PCSK2: variants seen among roughly 807,000 people sequenced by gnomAD.
The protein encoded by PCSK2 is proprotein convertase subtilisin/kexin type 2.
A neutral mutation model predicts 69.7 loss-of-function variants in PCSK2; 14 were observed. That is an observed-to-expected ratio of 0.20 (90% CI 0.13 to 0.31). The LOEUF (loss-of-function observed/expected upper bound fraction) is 0.31. PCSK2 is among the 10% of genes least tolerant of loss of function. The probability of loss-of-function intolerance (pLI) is 1.00; values close to 1 mark genes in which losing one functional copy is unlikely to be tolerated. For synonymous variants in PCSK2, 307 were observed against 320.7 expected (o/e 0.96, Z 0.46); for missense variants, 544 against 842.5 (o/e 0.65, Z 4.39).
intron 1 of PCSK2, among the ~76,000 whole-genome samples, chr20:17,259,588 A>C (rs1340444925): frequency 6.6e-6 from 1 of 152,204 alleles, no homozygotes; most frequent in Admixed American, 6.5e-5. Context: ...CAAGACTCTT[A>C]GAGGCCCTGT....
intron 6 of PCSK2, among the ~76,000 whole-genome samples, chr20:17,417,825 G>C (rs1165321545): frequency 6.6e-6 from 1 of 152,158 alleles, no homozygotes; most frequent in Non-Finnish European, 1.5e-5. Context: ...CTGAAGTATA[G>C]AGGCAATAAA....
intron 5 of PCSK2, among the ~76,000 whole-genome samples, chr20:17,371,566 C>A (rs1178498746): frequency 2.0e-5 from 3 of 152,002 alleles, no homozygotes; most frequent in African/African-American, 7.2e-5. Context: ...TGTTATCTGT[C>A]AAAAAATATG....
chr20:17,291,973 C>T (rs1988711461), intron 2 of PCSK2, among the ~76,000 whole-genome samples: 1 of 152,110 alleles, frequency 6.6e-6, no homozygotes, highest in African/African-American at 2.4e-5. Flanking sequence ...TAAAAAGTGT[C>T]TTTCATAGGA....
At chr20:17,396,624 T>G (rs2031517058) in intron 5 of PCSK2, among the ~76,000 whole-genome samples, 1 of 152,100 alleles carries the variant, frequency 6.6e-6, no homozygotes, top group Non-Finnish European at 1.5e-5. Flanking sequence ...ACTTATTTTT[T>G]TTTTTTTTGA....
At chr20:17,301,037 T>A (rs1989062726) in intron 2 of PCSK2, among the ~76,000 whole-genome samples, 1 of 152,228 alleles carries the variant, frequency 6.6e-6, no homozygotes, top group South Asian at 2.1e-4. Context: ...TCACTATTGC[T>A]TGGGAAGGGG....
chr20:17,295,557 T>C (rs1171193815), intron 2 of PCSK2, among the ~76,000 whole-genome samples: 1 of 148,112 alleles, frequency 6.8e-6, no homozygotes, highest in Non-Finnish European at 1.5e-5. Flanking sequence ...TATATATTTA[T>C]TTATTTATTT....
intron 10 of PCSK2, among the ~76,000 whole-genome samples, chr20:17,460,928 T>G (rs1290071539): frequency 6.6e-6 from 1 of 152,124 alleles, no homozygotes; most frequent in Non-Finnish European, 1.5e-5. Flanking sequence ...TAAGGCCTTA[T>G]GCCCATTTTA....
chr20:17,439,738 A>C (rs2032558259), intron 8 of PCSK2, among the ~76,000 whole-genome samples: 1 of 152,232 alleles, frequency 6.6e-6, no homozygotes, highest in Non-Finnish European at 1.5e-5. Context: ...AGCCCTAAAC[A>C]ATAGTAAACA....
In PCSK2 at chr20:17,284,461, C is replaced by T. The variant is rs191702892; in HGVS notation, c.282+24117C>T. Among the ~76,000 whole-genome samples, 13 of 152,294 alleles carry T rather than the reference C, an allele frequency of 8.5e-5. No homozygotes were observed. In the East Asian group the frequency reaches 2.1e-3, roughly 25 times the overall value. On this transcript the variant is annotated intron_variant, in intron 2 of 11. Coordinates refer to ENST00000262545, the MANE Select transcript of PCSK2 (RefSeq NM_002594.5). ...TCTGATCCATTTTCTCTGTTGTTTC[C>T]TTGTGAGGGAGAGCAGACATGCACA...
chr20:17,388,850 T>C (rs1235986570), intron 5 of PCSK2, among the ~76,000 whole-genome samples: 1 of 152,172 alleles, frequency 6.6e-6, no homozygotes. Flanking sequence ...TACAAAGATT[T>C]TGACGGGAAT....
At position 17,350,872 on chromosome 20, in the gene PCSK2, A is replaced by G. The variant is rs140187174; in HGVS notation, c.283-7455A>G. On this transcript the variant is annotated intron_variant, in intron 2 of 11. Transcript: ENST00000262545. ...AGCTTGGCCAACATGGTGAAACCCC[A>G]TCTCTATTAAAACAAAAATTAGCCA... is the stretch of plus-strand genomic sequence containing the variant. Among the ~76,000 whole-genome samples the G allele has an allele frequency of 4.8e-3, 736 of 151,964 alleles. 3 individuals carry two copies. The highest frequency in any genetic ancestry group is 0.034 in the East Asian group (176 of 5,152).
At chr20:17,274,796 C>A (rs1987998281) in intron 2 of PCSK2, among the ~76,000 whole-genome samples, 1 of 151,974 alleles carries the variant, frequency 6.6e-6, no homozygotes, top group Non-Finnish European at 1.5e-5. Flanking sequence ...ATTTATTATG[C>A]AGCAATAGAT....
At chr20:17,436,597 C>A in intron 7 of PCSK2, 111 bp from the exon 8 acceptor site, 1 of 879,114 alleles carries the variant, frequency 1.1e-6, no homozygotes, top group Non-Finnish European at 1.8e-6. Context: ...CCCAGAGCAC[C>A]TGAGATCTCC....
At chr20:17,312,442 A>T (rs1989547022) in intron 2 of PCSK2, among the ~76,000 whole-genome samples, 1 of 152,160 alleles carries the variant, frequency 6.6e-6, no homozygotes, top group Admixed American at 6.6e-5. Context: ...TGATCCATGT[A>T]TCAATTCTAT....
intron 2 of PCSK2, among the ~76,000 whole-genome samples, chr20:17,280,642 C>T (rs1988274337): frequency 6.6e-6 from 1 of 152,218 alleles, no homozygotes; most frequent in Admixed American, 6.5e-5. Context: ...AATGCTCTAA[C>T]ATCTGTTAGC....
intron 5 of PCSK2, among the ~76,000 whole-genome samples, chr20:17,407,716 A>T (rs1482911546): frequency 1.3e-5 from 2 of 152,132 alleles, no homozygotes; most frequent in African/African-American, 4.8e-5. Context: ...TCTGGGGTCT[A>T]AGTGGGGAAG....
intron 2 of PCSK2, among the ~76,000 whole-genome samples, chr20:17,264,334 A>G (rs983257372): frequency 5.3e-5 from 8 of 152,208 alleles, no homozygotes; most frequent in Admixed American, 5.2e-4. Context: ...AGACCATACA[A>G]TTATTCCTCA....
intron 6 of PCSK2, among the ~76,000 whole-genome samples, chr20:17,414,646 G>A (rs1346089808): frequency 1.3e-5 from 2 of 152,186 alleles, no homozygotes; most frequent in South Asian, 2.1e-4. Context: ...AACTATTCCA[G>A]TCAACAGAAA....
chr20:17,283,279 G>A (rs1220630649), intron 2 of PCSK2, among the ~76,000 whole-genome samples: 1 of 152,180 alleles, frequency 6.6e-6, no homozygotes, highest in Non-Finnish European at 1.5e-5. Flanking sequence ...AGAATAATTA[G>A]CTAAATTCTG....
Sources: gnomAD v4.1 joint callset for allele counts (sites outside exome capture counted in the v4.1 genomes callset) on GRCh38, gnomAD v4.1.1 for gene constraint, MANE v1.5 for transcripts, NCBI Gene and HGNC (gene_info 2026-07-23, HGNC 2026-07-21) for gene names.